Variants in FGF13 observed in about 807,000 individuals in gnomAD.
The protein encoded by FGF13 is fibroblast growth factor 13.
Under a neutral mutation model 19.5 loss-of-function variants are expected in FGF13, and 2 were observed. That is an observed-to-expected ratio of 0.10 (90% confidence interval 0.04 to 0.32). The LOEUF is 0.32. Among genes scored for constraint, FGF13 ranks in the 10% least tolerant of loss-of-function variants. The probability of loss-of-function intolerance (pLI) is 1.00; values close to 1 mark genes in which losing one functional copy is unlikely to be tolerated. For synonymous variants in FGF13, 72 were observed against 76.9 expected (o/e 0.94, Z 0.33); for missense variants, 113 against 192.7 (o/e 0.59, Z 2.45).
chrX:138,951,283 A>G (rs2091809927), intron 1 of FGF13, among the ~76,000 whole-genome samples: 1 of 112,047 alleles, frequency 8.9e-6, no homozygotes, highest in Non-Finnish European at 1.9e-5. Flanking sequence ...AGGCAAAGCC[A>G]GATGCATGCT....
At chrX:138,669,554 C>T (rs1021221586) in intron 3 of FGF13, among the ~76,000 whole-genome samples, 1 of 111,071 alleles carries the variant, frequency 9.0e-6, no homozygotes, top group South Asian at 3.8e-4. Context: ...CTTTTAAATG[C>T]TAAGTTTGAA....
intron 3 of FGF13, among the ~76,000 whole-genome samples, chrX:138,684,394 A>T (rs1256095026): frequency 2.7e-5 from 3 of 111,391 alleles, no homozygotes; most frequent in Non-Finnish European, 5.7e-5. Flanking sequence ...TGATCCAGTC[A>T]TCTCTTATTA....
intron 1 of FGF13, among the ~76,000 whole-genome samples, chrX:139,011,376 AAAAAG>A (rs1203049533): frequency 1.1e-4 from 12 of 109,625 alleles, no homozygotes; most frequent in Admixed American, 2.0e-4. Flanking sequence ...AAAAAAAAAA[AAAAAG>A]AAGAAGAAGA....
At chrX:138,974,157 C>G (rs751930884) in intron 1 of FGF13, among the ~76,000 whole-genome samples, 1 of 111,982 alleles carries the variant, frequency 8.9e-6, no homozygotes, top group South Asian at 3.7e-4. Context: ...ATAAATTACC[C>G]AGTCTGCAGC....
chrX:138,921,988 A>C (rs1166685915), intron 1 of FGF13, among the ~76,000 whole-genome samples: 1 of 102,452 alleles, frequency 9.8e-6, no homozygotes, highest in Non-Finnish European at 2.0e-5. Flanking sequence ...AAAAAAAAAA[A>C]CAACAAAACA....
chrX:138,916,316 T>TTGA (rs1416779645), intron 1 of FGF13, among the ~76,000 whole-genome samples: 2 of 111,626 alleles, frequency 1.8e-5, no homozygotes, highest in Admixed American at 9.6e-5. Flanking sequence ...ATTTCCACAA[T>TTGA]TGATTGGAGT....
At chrX:139,115,090 C>T (rs1189536506) in intron 1 of FGF13, among the ~76,000 whole-genome samples, 3 of 111,498 alleles carry the variant, frequency 2.7e-5, no homozygotes, top group Non-Finnish European at 5.7e-5. Context: ...AACCTGAAAA[C>T]TCAACTGGAA....
chrX:138,668,135 A>C (rs911506316), intron 3 of FGF13, among the ~76,000 whole-genome samples: 1 of 111,862 alleles, frequency 8.9e-6, no homozygotes, highest in Non-Finnish European at 1.9e-5. Flanking sequence ...TTGTTAACTT[A>C]ATGAACTTAA....
chrX:139,090,899 G>A (rs752611925), intron 1 of FGF13, among the ~76,000 whole-genome samples: 2 of 91,706 alleles, frequency 2.2e-5, no homozygotes, highest in East Asian at 7.8e-4. Flanking sequence ...CCATGTTCAT[G>A]TCACTGTACT....
intron 1 of FGF13, among the ~76,000 whole-genome samples, chrX:138,723,363 T>C (rs1265577835): frequency 3.6e-5 from 4 of 112,136 alleles, no homozygotes; most frequent in African/African-American, 9.7e-5. Context: ...TTTATGGTCA[T>C]TGCAGTAATT....
chrX:139,049,557 T>C (rs1386964179), intron 1 of FGF13, among the ~76,000 whole-genome samples: 2 of 112,664 alleles, frequency 1.8e-5, no homozygotes, highest in South Asian at 3.7e-4. Context: ...CTGCCCTTTA[T>C]GGTCTCCACT....
chrX:138,752,339 A>T, intron 3 of FGF13, among the ~76,000 whole-genome samples: 1 of 110,849 alleles, frequency 9.0e-6, no homozygotes, highest in African/African-American at 3.3e-5. Flanking sequence ...AGGCAGGAGA[A>T]TCGCTTGAAA....
At chrX:138,905,693 C>A (rs2091553927) in intron 1 of FGF13, among the ~76,000 whole-genome samples, 1 of 112,277 alleles carries the variant, frequency 8.9e-6, no homozygotes, top group Admixed American at 9.4e-5. Flanking sequence ...GACCAGGAAG[C>A]CCTGACATGC....
chrX:138,811,571 G>A (rs1249336537), intron 3 of FGF13, among the ~76,000 whole-genome samples: 4 of 110,560 alleles, frequency 3.6e-5, no homozygotes, highest in African/African-American at 1.3e-4. Context: ...TTGTGCACAT[G>A]TACCCTAGAA....
chrX:139,155,635 A>T (rs2083970927), intron 1 of FGF13, among the ~76,000 whole-genome samples: 1 of 112,243 alleles, frequency 8.9e-6, no homozygotes, highest in Non-Finnish European at 1.9e-5. Context: ...GTTTCTGGGG[A>T]CAGGAAGAAA....
At chrX:138,796,914 C>T (rs1487710418) in intron 3 of FGF13, among the ~76,000 whole-genome samples, 1 of 111,062 alleles carries the variant, frequency 9.0e-6, no homozygotes, top group Non-Finnish European at 1.9e-5. Flanking sequence ...TTGTTTTTTT[C>T]TTGTAAATTT....
chrX:138,855,036 CTAATTA>C (rs2091248923), downstream of FGF13, among the ~76,000 whole-genome samples: 1 of 110,928 alleles, frequency 9.0e-6, no homozygotes, highest in South Asian at 3.8e-4. Context: ...TTTATTTCTA[CTAATTA>C]TAACAAAATG....
chrX:139,119,006 G>T (rs2083658793), intron 1 of FGF13, among the ~76,000 whole-genome samples: 1 of 110,606 alleles, frequency 9.0e-6, no homozygotes, highest in Non-Finnish European at 1.9e-5. Context: ...AAAACATAGA[G>T]ACCACCAACA....
chrX:138,856,053 A>G (rs773692574), downstream of FGF13, among the ~76,000 whole-genome samples: 6 of 110,563 alleles, frequency 5.4e-5, no homozygotes, highest in Non-Finnish European at 9.5e-5. Flanking sequence ...ATAGTAAAGT[A>G]ATTGTCACTG....
Sources: gnomAD v4.1 joint callset for allele counts (sites outside exome capture counted in the v4.1 genomes callset) on GRCh38, gnomAD v4.1.1 for gene constraint, MANE v1.5 for transcripts, NCBI Gene and HGNC (gene_info 2026-07-23, HGNC 2026-07-21) for gene names.